The following CSTPP1 variants were observed in gnomAD, a reference collection of about 807,000 sequenced individuals.
CSTPP1 encodes centriolar satellite-associated tubulin polyglutamylase complex regulator 1.
the CSTPP1 span, chr11:47,160,945 G>A: frequency 7.0e-6 from 5 of 709,952 alleles, no homozygotes; most frequent in South Asian, 1.9e-5. Context: ...AATGTATCAA[G>A]CAACAGCGAG....
the CSTPP1 span, among the ~76,000 whole-genome samples, chr11:47,010,854 T>G: frequency 2.0e-5 from 3 of 152,196 alleles, no homozygotes; most frequent in African/African-American, 7.2e-5. Flanking sequence ...AAATTTTTTT[T>G]TCTTCTCTCA....
the CSTPP1 span, among the ~76,000 whole-genome samples, chr11:46,943,848 G>A: frequency 6.6e-6 from 1 of 151,542 alleles, no homozygotes; most frequent in Non-Finnish European, 1.5e-5. Flanking sequence ...GTGAGACTTC[G>A]TCTCTACTAA....
chr11:47,077,491 C>T, the CSTPP1 span, among the ~76,000 whole-genome samples: 1 of 152,118 alleles, frequency 6.6e-6, no homozygotes, highest in African/African-American at 2.4e-5. Flanking sequence ...TGAGCCACTA[C>T]ACCCAGCCGA....
the CSTPP1 span, among the ~76,000 whole-genome samples, chr11:47,042,724 T>C: frequency 6.6e-6 from 1 of 152,204 alleles, no homozygotes; most frequent in African/African-American, 2.4e-5. Context: ...GGCAGACATA[T>C]GGTGTACTTC....
the CSTPP1 span, among the ~76,000 whole-genome samples, chr11:46,979,689 G>C: frequency 4.1e-4 from 62 of 151,928 alleles, 3 homozygotes; most frequent in African/African-American, 1.4e-3. Flanking sequence ...AAGGCAGGCG[G>C]ATCACCTGAG....
At chr11:47,057,835 C>T in the CSTPP1 span, among the ~76,000 whole-genome samples, 1 of 152,154 alleles carries the variant, frequency 6.6e-6, no homozygotes, top group Non-Finnish European at 1.5e-5. Context: ...AAGGATAATT[C>T]AAACTTCTAC....
chr11:47,116,468 T>G, the CSTPP1 span, among the ~76,000 whole-genome samples: 1 of 152,078 alleles, frequency 6.6e-6, no homozygotes, highest in Non-Finnish European at 1.5e-5. Context: ...TTTGTAGGTC[T>G]CTAAGGACTT....
At chr11:47,160,216 G>T in the CSTPP1 span, 1 of 150,902 alleles carries the variant, frequency 6.6e-6, no homozygotes, top group Non-Finnish European at 1.4e-5. Context: ...GAGGTGGGAA[G>T]ATCGCTTGGG....
the CSTPP1 span, among the ~76,000 whole-genome samples, chr11:47,058,271 T>C: frequency 6.6e-6 from 1 of 152,126 alleles, no homozygotes. Flanking sequence ...GAGGCTGCAG[T>C]GAGCTGTGAT....
the CSTPP1 span, among the ~76,000 whole-genome samples, chr11:47,102,713 G>A: frequency 6.6e-6 from 1 of 152,186 alleles, no homozygotes; most frequent in Non-Finnish European, 1.5e-5. Flanking sequence ...GCATGGGCAA[G>A]CTGCACATTG....
chr11:47,122,371 T>C, the CSTPP1 span, among the ~76,000 whole-genome samples: 1 of 151,340 alleles, frequency 6.6e-6, no homozygotes, highest in Non-Finnish European at 1.5e-5. Context: ...CTAAATGGCA[T>C]TCAGGTGACT....
the CSTPP1 span, among the ~76,000 whole-genome samples, chr11:47,014,375 GAAAGAAAAAGA>G: frequency 9.9e-6 from 1 of 100,840 alleles, no homozygotes; most frequent in Non-Finnish European, 2.8e-5. Context: ...AAGAAAAAAA[GAAAGAAAAAGA>G]AAAAAAAAAG....
the CSTPP1 span, among the ~76,000 whole-genome samples, chr11:47,079,259 G>A: frequency 3.3e-5 from 5 of 152,174 alleles, no homozygotes; most frequent in Non-Finnish European, 7.3e-5. Flanking sequence ...CAAATCTGAG[G>A]GTGAGAGCGT....
the CSTPP1 span, among the ~76,000 whole-genome samples, chr11:47,027,416 A>G: frequency 1.2e-4 from 19 of 152,166 alleles, no homozygotes. Context: ...AGCAACTGAA[A>G]ACCAGGTCCT....
the CSTPP1 span, among the ~76,000 whole-genome samples, chr11:47,144,228 G>T: frequency 6.6e-6 from 1 of 151,996 alleles, no homozygotes; most frequent in African/African-American, 2.4e-5. Context: ...TTGCTCTGTT[G>T]CCCAGGCTGG....
the CSTPP1 span, among the ~76,000 whole-genome samples, chr11:47,140,504 C>A: frequency 6.6e-6 from 1 of 152,132 alleles, no homozygotes. Flanking sequence ...CTGACTGCAG[C>A]CTTCACCCCG....
At chr11:46,938,417 T>C in the CSTPP1 span, among the ~76,000 whole-genome samples, 1 of 150,782 alleles carries the variant, frequency 6.6e-6, no homozygotes, top group African/African-American at 2.4e-5. Context: ...TTAGGGTTCT[T>C]TGTGTTGTTC....
the CSTPP1 span, among the ~76,000 whole-genome samples, chr11:47,044,381 C>T: frequency 1.3e-5 from 2 of 151,946 alleles, no homozygotes; most frequent in Non-Finnish European, 2.9e-5. Context: ...AATATATATA[C>T]ATGTGTATTT....
At chr11:46,974,960 A>G in the CSTPP1 span, among the ~76,000 whole-genome samples, 1 of 151,860 alleles carries the variant, frequency 6.6e-6, no homozygotes, top group Non-Finnish European at 1.5e-5. Flanking sequence ...CAAAGAAAAT[A>G]TATTTCCTTA....
Sources: allele counts gnomAD v4.1 joint callset (sites outside exome capture counted in the v4.1 genomes callset), GRCh38; gene constraint gnomAD v4.1.1; transcripts MANE v1.5; gene names NCBI Gene and HGNC (gene_info 2026-07-23, HGNC 2026-07-21).